The following SAMD12 variants were observed in gnomAD, a reference collection of about 807,000 sequenced individuals.
The protein encoded by SAMD12 is sterile alpha motif domain containing 12.
A neutral mutation model predicts 15.0 loss-of-function variants in SAMD12; 9 were observed. That is an observed-to-expected ratio of 0.60 (90% confidence interval 0.36 to 1.05). The LOEUF is 1.05. SAMD12 is among the 50% of genes least tolerant of loss of function. The pLI is 0.01. For missense variants in SAMD12, 230 were observed against 234.2 expected (o/e 0.98, Z 0.12); for synonymous variants, 86 against 90.1 (o/e 0.96, Z 0.25).
intron 3 of SAMD12, among the ~76,000 whole-genome samples, chr8:118,402,934 T>C (rs573801614): frequency 1.3e-5 from 2 of 152,356 alleles, no homozygotes; most frequent in South Asian, 4.1e-4. Context: ...AGTTGCTGCA[T>C]GTTGCCCAAA....
intron 2 of SAMD12, among the ~76,000 whole-genome samples, chr8:118,458,545 G>A (rs1167129445): frequency 6.6e-6 from 1 of 152,110 alleles, no homozygotes. Flanking sequence ...ACATTTTTCT[G>A]ATGCTTTAAA....
chr8:118,286,323 A>G (rs1384145925), intron 4 of SAMD12, among the ~76,000 whole-genome samples: 1 of 152,130 alleles, frequency 6.6e-6, no homozygotes, highest in African/African-American at 2.4e-5. Flanking sequence ...TAATTAAAAA[A>G]AAAAGAAAGC....
chr8:118,198,812 C>T lies in SAMD12; in HGVS notation c.434-1080G>A, dbSNP rs1819634498. On this transcript the variant is annotated intron_variant, in intron 4 of 4. Transcript: ENST00000409003. ...GCATTGTCAACTGGAAAAATAATGT[C>T]AATTTATTCAAAAATTATTGAAAAT... Among the ~76,000 whole-genome samples, 3 of 151,924 alleles carry T rather than the reference C, an allele frequency of 2.0e-5. 1 individual carries two copies. In the South Asian group the frequency reaches 6.2e-4, roughly 31 times the overall value.
At chr8:118,419,170 A>G (rs533699001) in intron 3 of SAMD12, among the ~76,000 whole-genome samples, 4 of 152,160 alleles carry the variant, frequency 2.6e-5, no homozygotes, top group Non-Finnish European at 5.9e-5. Context: ...CAAAGCAAAA[A>G]TGATGGAAGG....
chr8:118,472,735 G>A (rs1823836964), intron 2 of SAMD12, among the ~76,000 whole-genome samples: 6 of 151,978 alleles, frequency 3.9e-5, no homozygotes, highest in African/African-American at 1.2e-4. Context: ...TTATTCAGTG[G>A]TTTTCCACTG....
At chr8:118,291,818 T>C (rs555052365) in intron 4 of SAMD12, among the ~76,000 whole-genome samples, 55 of 150,442 alleles carry the variant, frequency 3.7e-4, no homozygotes, top group Non-Finnish European at 7.4e-4. Flanking sequence ...GTTACTTCCA[T>C]AGAGTGACTT....
At chr8:118,136,169 A>G in the SAMD12 span, among the ~76,000 whole-genome samples, 5 of 151,996 alleles carry the variant, frequency 3.3e-5, no homozygotes, top group Middle Eastern at 3.2e-3. Flanking sequence ...AGCTGGGATT[A>G]CAGGTGTGTG....
At chr8:118,573,766 G>T (rs1827080813) in intron 2 of SAMD12, among the ~76,000 whole-genome samples, 1 of 152,150 alleles carries the variant, frequency 6.6e-6, no homozygotes, top group Non-Finnish European at 1.5e-5. Flanking sequence ...AGGAGCTAAA[G>T]ATAACCAAAT....
chr8:118,207,378 A>AT (rs11405290), intron 4 of SAMD12, among the ~76,000 whole-genome samples: 76,942 of 150,234 alleles, frequency 0.51, 20,999 homozygotes, highest in Non-Finnish European at 0.62. Flanking sequence ...CAGTGATTCC[A>AT]TTTTTTTTTT....
chr8:118,469,069 T>C (rs1011658741), intron 2 of SAMD12, among the ~76,000 whole-genome samples: 1 of 152,260 alleles, frequency 6.6e-6, no homozygotes, highest in Admixed American at 6.5e-5. Context: ...GCCTGTCCAC[T>C]AGCAGGTCAA....
At position 118,311,186 on chromosome 8, in the gene SAMD12, G is replaced by A. The variant is rs75796381; in HGVS notation, c.433+68374C>T. 6.1e-3 allele frequency among the ~76,000 whole-genome samples: 926 copies of A among 152,256 alleles called. 10 individuals are homozygous for A. Among genetic ancestry groups the A allele is most frequent in the African/African-American group, 0.021 (876 of 41,546 alleles). ...ACTGCAGGGAAAATCTGCAGCCTTC[G>A]AAATCCTTGCTCTTTTTATTGCAGT... On this transcript the variant is annotated intron_variant, in intron 4 of 4. Coordinates refer to the SAMD12 transcript ENST00000409003.
intron 2 of SAMD12, among the ~76,000 whole-genome samples, chr8:118,456,867 G>T (rs2130927739): frequency 6.6e-6 from 1 of 152,320 alleles, no homozygotes; most frequent in Non-Finnish European, 1.5e-5. Flanking sequence ...AATCTAATAA[G>T]GAAGTTTGTA....
At chr8:118,406,829 G>C (rs1821152091) in intron 3 of SAMD12, among the ~76,000 whole-genome samples, 1 of 151,446 alleles carries the variant, frequency 6.6e-6, no homozygotes, top group African/African-American at 2.4e-5. Flanking sequence ...TGTCCTCGAG[G>C]TTCACCCATG....
At chr8:118,582,473 G>A (rs981491100) in intron 1 of SAMD12, among the ~76,000 whole-genome samples, 5 of 152,104 alleles carry the variant, frequency 3.3e-5, no homozygotes, top group East Asian at 1.9e-4. Context: ...CCAAATGCAC[G>A]TGATCTTATT....
chr8:118,327,976 G>C (rs900133887), intron 4 of SAMD12, among the ~76,000 whole-genome samples: 10 of 152,140 alleles, frequency 6.6e-5, no homozygotes, highest in African/African-American at 2.4e-4. Context: ...CCTGTTTAAA[G>C]AGTCTTATTA....
At chr8:118,245,528 G>C (rs984536116) in intron 4 of SAMD12, among the ~76,000 whole-genome samples, 2 of 152,144 alleles carry the variant, frequency 1.3e-5, no homozygotes, top group African/African-American at 4.8e-5. Flanking sequence ...AGGAATCTGA[G>C]CTCAGAGAGA....
downstream of SAMD12, among the ~76,000 whole-genome samples, chr8:118,373,945 A>G (rs1280231248): frequency 6.6e-6 from 1 of 152,158 alleles, no homozygotes; most frequent in Non-Finnish European, 1.5e-5. Flanking sequence ...GCATTTTTTT[A>G]CTTCGTAAAG....
chr8:118,491,776 C>T (rs1294564974), intron 2 of SAMD12, among the ~76,000 whole-genome samples: 1 of 152,082 alleles, frequency 6.6e-6, no homozygotes, highest in Non-Finnish European at 1.5e-5. Flanking sequence ...GTATATATAA[C>T]TAATCTTTTC....
chr8:118,198,284 A>G (rs975534283), intron 4 of SAMD12, among the ~76,000 whole-genome samples: 1 of 152,222 alleles, frequency 6.6e-6, no homozygotes, highest in African/African-American at 2.4e-5. Context: ...AGTCATTAAA[A>G]TCGGACCAGA....
Sources: gnomAD v4.1 joint callset for allele counts (sites outside exome capture counted in the v4.1 genomes callset) on GRCh38, gnomAD v4.1.1 for gene constraint, MANE v1.5 for transcripts, NCBI Gene and HGNC (gene_info 2026-07-23, HGNC 2026-07-21) for gene names.